NCOA3: variants seen among roughly 807,000 people sequenced by gnomAD.
The protein encoded by NCOA3 is CBP-interacting protein.
Under a neutral mutation model 158.8 loss-of-function variants are expected in NCOA3, and 51 were observed. That is an observed-to-expected ratio of 0.32 (90% CI 0.26 to 0.41). The LOEUF (loss-of-function observed/expected upper bound fraction) is 0.41. Among genes scored for constraint, NCOA3 ranks in the 10% least tolerant of loss-of-function variants. NCOA3 has a pLI of 1.00. For synonymous variants in NCOA3, 537 were observed against 592.4 expected, an observed-to-expected ratio of 0.91 and a Z score of 1.36; for missense variants, 1,510 against 1,746.6, an observed-to-expected ratio of 0.86 and a Z score of 2.41.
intron 1 of NCOA3, among the ~76,000 whole-genome samples, chr20:47,507,681 C>T (rs982225818): frequency 7.9e-5 from 12 of 152,144 alleles, no homozygotes; most frequent in Non-Finnish European, 1.5e-4. Flanking sequence ...TGCAATGGCA[C>T]GATCTTGGCT....
At chr20:47,522,278 A>G (rs1215527886) in intron 1 of NCOA3, among the ~76,000 whole-genome samples, 1 of 149,828 alleles carries the variant, frequency 6.7e-6, no homozygotes, top group Middle Eastern at 3.3e-3. Context: ...AATTTTTTGT[A>G]TTTTTAGTAG....
chr20:47,571,687 C>A (rs1422367100), intron 1 of NCOA3, among the ~76,000 whole-genome samples: 1 of 152,064 alleles, frequency 6.6e-6, no homozygotes, highest in Non-Finnish European at 1.5e-5. Flanking sequence ...ATTTATAATG[C>A]ACAGGCAGAA....
At chr20:47,592,208 A>AT (rs935195105) in intron 2 of NCOA3, among the ~76,000 whole-genome samples, 9 of 151,690 alleles carry the variant, frequency 5.9e-5, no homozygotes, top group East Asian at 1.9e-4. Context: ...CACCTGGCTA[A>AT]TTTTTTTTGT....
At chr20:47,605,731 A>C (rs1317483957) in intron 2 of NCOA3, among the ~76,000 whole-genome samples, 2 of 152,058 alleles carry the variant, frequency 1.3e-5, no homozygotes, top group African/African-American at 4.8e-5. Flanking sequence ...CCCCTCTGTC[A>C]TGGTCCACAA....
At chr20:47,608,850 A>G (rs1365114422) in intron 2 of NCOA3, among the ~76,000 whole-genome samples, 1 of 152,122 alleles carries the variant, frequency 6.6e-6, no homozygotes, top group Non-Finnish European at 1.5e-5. Flanking sequence ...TGTATTTGGT[A>G]TCTTGTAGCA....
At chr20:47,564,098 G>T (rs2085153582) in intron 1 of NCOA3, among the ~76,000 whole-genome samples, 1 of 151,502 alleles carries the variant, frequency 6.6e-6, no homozygotes, top group Non-Finnish European at 1.5e-5. Context: ...TGAGGGTGAG[G>T]CTGCAGTGAG....
intron 1 of NCOA3, among the ~76,000 whole-genome samples, chr20:47,563,524 T>A (rs554194185): frequency 6.6e-6 from 1 of 152,246 alleles, no homozygotes; most frequent in African/African-American, 2.4e-5. Flanking sequence ...TGCCCTCAAT[T>A]CAGTTGCATA....
intron 1 of NCOA3, among the ~76,000 whole-genome samples, chr20:47,555,219 G>A (rs2084984257): frequency 6.6e-6 from 1 of 152,088 alleles, no homozygotes; most frequent in Non-Finnish European, 1.5e-5. Flanking sequence ...TTTCATTTTT[G>A]CATATTTATG....
intron 1 of NCOA3, among the ~76,000 whole-genome samples, chr20:47,521,345 TTC>T (rs1003347735): frequency 5.3e-5 from 8 of 151,260 alleles, no homozygotes; most frequent in Non-Finnish European, 1.2e-4. Context: ...ATATAAGATT[TTC>T]TTTTTTTTTT....
rs72645294 is a variant in NCOA3, at chr20:47,648,466, T to C, written c.3547-539T>C. On this transcript the variant is annotated intron_variant, in intron 18 of 22. Coordinates refer to ENST00000371998, the MANE Select transcript of NCOA3 (RefSeq NM_181659.3). Reference sequence around the variant, plus strand: ...TGAGTTTCTATTGTGTGTGTGTATATATATATAAAATTTATTTATTTATTA... The same window carrying C: ...TGAGTTTCTATTGTGTGTGTGTATACATATATAAAATTTATTTATTTATTA... Among the ~76,000 whole-genome samples the C allele has an allele frequency of 4.8e-3, 728 of 152,100 alleles. 3 individuals are homozygous for C. Among genetic ancestry groups the C allele is most frequent in the Non-Finnish European group, 8.3e-3 (566 of 67,990 alleles).
chr20:47,547,282 C>CT (rs1889383392), intron 1 of NCOA3, among the ~76,000 whole-genome samples: 1 of 152,126 alleles, frequency 6.6e-6, no homozygotes, highest in South Asian at 2.1e-4. Context: ...TAAAGCCCTT[C>CT]TCTTACCCCA....
intron 1 of NCOA3, among the ~76,000 whole-genome samples, chr20:47,535,448 C>T (rs2084616858): frequency 6.6e-6 from 1 of 152,074 alleles, no homozygotes; most frequent in Non-Finnish European, 1.5e-5. Context: ...ATCCCAGGTT[C>T]TTGCCCTAGT....
At chr20:47,506,870 G>GT (rs2084038920) in intron 1 of NCOA3, among the ~76,000 whole-genome samples, 1 of 152,096 alleles carries the variant, frequency 6.6e-6, no homozygotes, top group South Asian at 2.1e-4. Context: ...CTGTTGAAAT[G>GT]TTTAATTTCC....
chr20:47,583,405 G>T (rs1028956819), intron 2 of NCOA3, 144 bp downstream of exon 2: 4 of 387,010 alleles, frequency 1.0e-5, no homozygotes, highest in African/African-American at 8.3e-5. Flanking sequence ...AAATGAATGT[G>T]CTTAGAGTAC....
intron 1 of NCOA3, among the ~76,000 whole-genome samples, chr20:47,522,914 G>T (rs371537794): frequency 6.7e-6 from 1 of 149,944 alleles, no homozygotes; most frequent in Admixed American, 6.6e-5. Flanking sequence ...AAACGAGCCC[G>T]GCGCGGTGGC....
chr20:47,566,221 C>A (rs1185715231), intron 1 of NCOA3, among the ~76,000 whole-genome samples: 1 of 152,146 alleles, frequency 6.6e-6, no homozygotes, highest in African/African-American at 2.4e-5. Flanking sequence ...CTGTGGCTGA[C>A]TTCTCCCACC....
rs948394021 is a variant in NCOA3 at position 47,505,257 on chromosome 20, AC to A, written c.-99+3240del. ...TGTATTTTTAGTAGAGACAAAGTTT[AC>A]CATGTTGGCCAGGCTGGTCTCGAAC... On this transcript the variant is annotated intron_variant, in intron 1 of 22. Coordinates refer to ENST00000371998, the MANE Select transcript of NCOA3 (RefSeq NM_181659.3). Among the ~76,000 whole-genome samples, 41 of 151,216 alleles carry A rather than the reference AC, an allele frequency of 2.7e-4. 1 individual carries two copies. Among genetic ancestry groups the A allele is most frequent in the African/African-American group, 9.2e-4 (38 of 41,266 alleles).
intron 2 of NCOA3, among the ~76,000 whole-genome samples, chr20:47,608,400 G>GA (rs1165192751): frequency 2.0e-5 from 3 of 152,224 alleles, no homozygotes; most frequent in African/African-American, 7.2e-5. Flanking sequence ...CACTTTGTGA[G>GA]GCCGAGGTGG....
At chr20:47,637,371 T>G (rs1252924141) in intron 12 of NCOA3, among the ~76,000 whole-genome samples, 1 of 152,220 alleles carries the variant, frequency 6.6e-6, no homozygotes. Context: ...TGCTAGTGAC[T>G]GTTACCTGCA....
Sources: gnomAD v4.1 joint callset for allele counts (sites outside exome capture counted in the v4.1 genomes callset) on GRCh38, gnomAD v4.1.1 for gene constraint, MANE v1.5 for transcripts, NCBI Gene and HGNC (gene_info 2026-07-23, HGNC 2026-07-21) for gene names.